CHKA: variants seen among roughly 807,000 people sequenced by gnomAD.
CHKA encodes CHETK-alpha.
In CHKA, 34 loss-of-function variants were observed where a neutral mutation model predicts 60.1. The ratio of observed to expected loss-of-function variants is 0.57; its 90% confidence interval spans 0.43 to 0.75. The LOEUF is 0.75. Ranked by LOEUF, CHKA falls within the 30% of genes least tolerant of loss-of-function variation. The pLI, the probability that CHKA is intolerant of heterozygous loss-of-function variation, is 0.00. For missense variants in CHKA, 563 were observed against 561.3 expected (o/e 1.00, Z -0.03); for synonymous variants, 217 against 223.1 (o/e 0.97, Z 0.24).
At chr11:68,076,529 G>C (rs1045595616) in intron 3 of CHKA, among the ~76,000 whole-genome samples, 2 of 152,072 alleles carry the variant, frequency 1.3e-5, no homozygotes, top group South Asian at 2.1e-4. Flanking sequence ...TGCTCCCCAG[G>C]GGGCAGCACG....
At position 68,061,977 on chromosome 11, in the gene CHKA, A is replaced by G. The variant is rs1309761408; in HGVS notation, c.1290T>C (p.Ile430=). The change falls in exon 11 of 12, where the codon ATT becomes ATC. Residue 430 remains isoleucine, a synonymous_variant. Coordinates refer to ENST00000265689, the MANE Select transcript of CHKA (RefSeq NM_001277.3). ...CCATGTACCCAAATTCAATAGATGA[A>G]ATCTTGGCTTGTACAATGGACCACA... ...WGLWSIVQAK[I]SSIEFGYMDY... 3 of 1,597,644 alleles carry G rather than the reference A, an allele frequency of 1.9e-6. No homozygotes were observed. Among genetic ancestry groups the G allele is most frequent in the Non-Finnish European group, 2.6e-6 (3 of 1,171,392 alleles).
At chr11:68,102,150 C>T (rs558954326) in intron 1 of CHKA, among the ~76,000 whole-genome samples, 66 of 150,296 alleles carry the variant, frequency 4.4e-4, no homozygotes, top group Admixed American at 3.8e-3. Flanking sequence ...GCAATCTATA[C>T]ATTCAATGCA....
At chr11:68,068,850 CA>C in intron 7 of CHKA, 28 bp downstream of exon 7, 1 of 1,544,338 alleles carries the variant, frequency 6.5e-7, no homozygotes, top group African/African-American at 1.4e-5. Context: ...ACACAAACCT[CA>C]TCTGTAACAG....
chr11:68,061,941 G>A lies in CHKA; in HGVS notation c.1314+12C>T. 6.4e-7 allele frequency: 1 copy of A among 1,554,562 alleles called. No individual in the cohort carries two copies. The highest frequency in any genetic ancestry group is 8.7e-7 in the Non-Finnish European group (1 of 1,145,620). On this transcript the variant is annotated intron_variant, in intron 11 of 11. Coordinates refer to ENST00000265689, the MANE Select transcript of CHKA (RefSeq NM_001277.3). ...GAAGAAAAAAAAAAACAAAAACGCTGCTAAAACATACCATGTACCCAAATT... is the reference window on the plus strand; with the variant it reads ...GAAGAAAAAAAAAAACAAAAACGCTACTAAAACATACCATGTACCCAAATT...
intron 2 of CHKA, among the ~76,000 whole-genome samples, chr11:68,082,771 C>T (rs1199354501): frequency 6.6e-6 from 1 of 152,130 alleles, no homozygotes; most frequent in Non-Finnish European, 1.5e-5. Flanking sequence ...GATACATATT[C>T]AATACTATAT....
At chr11:68,103,211 T>G (rs1290742532) in intron 1 of CHKA, among the ~76,000 whole-genome samples, 1 of 152,024 alleles carries the variant, frequency 6.6e-6, no homozygotes, top group Non-Finnish European at 1.5e-5. Context: ...GAAAGCCACA[T>G]GTGGTAGGTA....
At chr11:68,088,838 T>C (rs1857266584) in intron 2 of CHKA, among the ~76,000 whole-genome samples, 1 of 152,194 alleles carries the variant, frequency 6.6e-6, no homozygotes, top group South Asian at 2.1e-4. Context: ...TGAGCCACTA[T>C]GCCCGGCCAC....
At chr11:68,090,158 T>C (rs886068751) in intron 2 of CHKA, among the ~76,000 whole-genome samples, 2 of 152,234 alleles carry the variant, frequency 1.3e-5, no homozygotes, top group African/African-American at 2.4e-5. Context: ...GGAAGGACTA[T>C]TGGTAGTAAT....
chr11:68,100,471 T>A (rs1590872923), intron 1 of CHKA, among the ~76,000 whole-genome samples: 1 of 152,020 alleles, frequency 6.6e-6, no homozygotes. Context: ...GTGCCTGTAA[T>A]CCCAGCTACT....
intron 11 of CHKA, among the ~76,000 whole-genome samples, chr11:68,061,099 T>G (rs1361248545): frequency 1.6e-5 from 2 of 126,652 alleles, no homozygotes; most frequent in African/African-American, 6.3e-5. Flanking sequence ...GTGACAGTTT[T>G]TTTTTTTTTT....
intron 1 of CHKA, among the ~76,000 whole-genome samples, chr11:68,109,140 A>C (rs1590881489): frequency 1.6e-5 from 2 of 127,720 alleles, no homozygotes; most frequent in South Asian, 4.8e-4. Context: ...CCCAGGCAGG[A>C]GTGCAGTGGC....
At chr11:68,115,196 G>C (rs1236101992) in intron 1 of CHKA, among the ~76,000 whole-genome samples, 5 of 152,192 alleles carry the variant, frequency 3.3e-5, no homozygotes, top group Non-Finnish European at 7.3e-5. Flanking sequence ...AGGTAGGCTA[G>C]GCTAAGATAT....
intron 1 of CHKA, among the ~76,000 whole-genome samples, chr11:68,102,815 T>C (rs1159547370): frequency 1.3e-5 from 2 of 151,872 alleles, no homozygotes; most frequent in Non-Finnish European, 2.9e-5. Context: ...GGGGATAATA[T>C]AGAAAATATA....
chr11:68,081,658 T>C (rs111331730), intron 2 of CHKA: 19 of 512,326 alleles, frequency 3.7e-5, no homozygotes, highest in East Asian at 3.2e-4. Flanking sequence ...AAGTGCTTCA[T>C]TGCTTTACGA....
intron 3 of CHKA, among the ~76,000 whole-genome samples, chr11:68,077,588 T>C (rs1200404592): frequency 6.6e-6 from 1 of 152,220 alleles, no homozygotes; most frequent in Non-Finnish European, 1.5e-5. Flanking sequence ...ACTCAATGTC[T>C]ACTATGTCCT....
intron 2 of CHKA, among the ~76,000 whole-genome samples, chr11:68,095,617 G>C (rs562310555): frequency 8.6e-5 from 12 of 139,516 alleles, no homozygotes; most frequent in African/African-American, 3.2e-4. Context: ...GCTGAGGCAG[G>C]AGAATGGCGT....
intron 11 of CHKA, among the ~76,000 whole-genome samples, chr11:68,056,946 T>C (rs1856040914): frequency 6.6e-6 from 1 of 152,256 alleles, no homozygotes; most frequent in East Asian, 1.9e-4. Flanking sequence ...GGAACTCCAA[T>C]ATATGGCTAG....
chr11:68,081,560 G>A (rs1036845006), intron 2 of CHKA, 103 bp from the exon 3 acceptor site: 15 of 903,712 alleles, frequency 1.7e-5, no homozygotes, highest in Non-Finnish European at 2.7e-5. Flanking sequence ...AACATCACAG[G>A]TCTTTAAGGA....
At chr11:68,097,825 A>AG (rs1857564326) in intron 1 of CHKA, among the ~76,000 whole-genome samples, 2 of 152,190 alleles carry the variant, frequency 1.3e-5, no homozygotes, top group Admixed American at 6.6e-5. Flanking sequence ...CAGATGAAAC[A>AG]GGAGACCTCA....
Sources: allele counts gnomAD v4.1 joint callset (sites outside exome capture counted in the v4.1 genomes callset), GRCh38; gene constraint gnomAD v4.1.1; transcripts MANE v1.5; gene names NCBI Gene and HGNC (gene_info 2026-07-23, HGNC 2026-07-21).